The following LRMDA variants were observed in gnomAD, a reference collection of about 807,000 sequenced individuals.
LRMDA encodes leucine rich melanocyte differentiation associated, also known as leucine-rich melanocyte differentiation-associated protein.
LRMDA carries 18 observed loss-of-function variants against 29.8 expected under a neutral mutation model. That is an observed-to-expected ratio of 0.60 (90% CI 0.42 to 0.90). The LOEUF (loss-of-function observed/expected upper bound fraction) is 0.90, where lower values mean the gene tolerates loss of function less well. Among genes scored for constraint, LRMDA ranks in the 40% least tolerant of loss-of-function variants. The pLI is 0.00. For missense variants in LRMDA, 273 were observed against 273.9 expected, an observed-to-expected ratio of 1.00 and a Z score of 0.02; for synonymous variants, 125 against 109.4, an observed-to-expected ratio of 1.14 and a Z score of -0.89.
intron 6 of LRMDA, among the ~76,000 whole-genome samples, chr10:76,490,403 G>GTCTC (rs375255459): frequency 2.7e-5 from 4 of 149,178 alleles, no homozygotes; most frequent in South Asian, 2.1e-4. Context: ...TTGTATTAGG[G>GTCTC]TCTCTCTCTC....
rs184132564 is a variant in LRMDA at position 75,691,185 on chromosome 10, C to T, written c.131+252691C>T. 2.0e-4 allele frequency among the ~76,000 whole-genome samples: 22 copies of T among 111,464 alleles called. No individual in the cohort carries two copies. In the South Asian group the frequency reaches 2.9e-3, roughly 15 times the overall value. 73.1% of individuals were successfully genotyped at this position (111,464 alleles called of 152,430 possible). ...ATATATAGATCTATATATCTATGTA[C>T]ATAGATATATATACACACACACACA... On this transcript the variant is annotated intron_variant, in intron 2 of 6. Transcript: ENST00000611255.
chr10:76,327,622 G>A (rs1840852152), intron 6 of LRMDA, among the ~76,000 whole-genome samples: 1 of 152,162 alleles, frequency 6.6e-6, no homozygotes, highest in Non-Finnish European at 1.5e-5. Context: ...TACCTAAATG[G>A]CGCTCCACAT....
intron 2 of LRMDA, among the ~76,000 whole-genome samples, chr10:75,858,067 T>G (rs183267353): frequency 1.8e-4 from 27 of 152,326 alleles, no homozygotes; most frequent in African/African-American, 6.3e-4. Context: ...CGAGTGCAGG[T>G]GGCCAGGCCT....
rs1211697254 is a variant in LRMDA, at chr10:75,578,862, A to G, written c.131+140368A>G. On this transcript the variant is annotated intron_variant, in intron 2 of 6. Transcript: ENST00000611255. Reference sequence around the variant, plus strand: ...AAAAAAAAAAAAGATGTTCTTTGAAACCAATGAAAACAAAGACACAGCATA... The same window carrying G: ...AAAAAAAAAAAAGATGTTCTTTGAAGCCAATGAAAACAAAGACACAGCATA... 5.3e-5 allele frequency among the ~76,000 whole-genome samples: 8 copies of G among 152,294 alleles called. No homozygotes were observed. The East Asian group carries it at 1.3e-3, about 26-fold the overall frequency.
At chr10:76,077,834 G>T (rs370097574) in intron 5 of LRMDA, among the ~76,000 whole-genome samples, 1 of 151,724 alleles carries the variant, frequency 6.6e-6, no homozygotes, top group Non-Finnish European at 1.5e-5. Flanking sequence ...GCATTTTCAG[G>T]CCATCTATGA....
At chr10:76,495,984 C>G (rs1462728244) in intron 6 of LRMDA, among the ~76,000 whole-genome samples, 1 of 73,598 alleles carries the variant, frequency 1.4e-5, no homozygotes, top group African/African-American at 3.3e-5. Context: ...TCCAGTTTAC[C>G]TGCCTTTTAT....
chr10:76,255,382 G>A (rs979029572), intron 5 of LRMDA, among the ~76,000 whole-genome samples: 4 of 152,060 alleles, frequency 2.6e-5, no homozygotes, highest in Non-Finnish European at 4.4e-5. Flanking sequence ...TTCCTCTGTT[G>A]GAAATGATAC....
chr10:75,961,402 A>G (rs1846763519), intron 2 of LRMDA, among the ~76,000 whole-genome samples: 1 of 152,382 alleles, frequency 6.6e-6, no homozygotes, highest in Middle Eastern at 3.4e-3. Flanking sequence ...ATTCACAGGT[A>G]CATGTGTTCC....
rs35809507 is a variant in LRMDA at position 76,248,047 on chromosome 10, T to C, written c.517-76354T>C. On this transcript the variant is annotated intron_variant, in intron 5 of 6. Transcript: ENST00000611255. ...ATGCTCGTGAATCCAGCCGTCTTCA[T>C]TGGAAAACGTGTGGCCTGCAGAGAT... Among the ~76,000 whole-genome samples, 1,101 of 152,284 alleles carry C rather than the reference T, an allele frequency of 7.2e-3. 18 individuals carry two copies. The highest frequency in any genetic ancestry group is 0.032 in the East Asian group (167 of 5,168).
At chr10:75,916,447 G>A (rs1212587168) in intron 2 of LRMDA, among the ~76,000 whole-genome samples, 2 of 151,972 alleles carry the variant, frequency 1.3e-5, no homozygotes, top group East Asian at 1.9e-4. Flanking sequence ...ATTTCCCAGC[G>A]CCTCATTCCC....
intron 5 of LRMDA, among the ~76,000 whole-genome samples, chr10:76,192,391 G>C (rs1010807247): frequency 6.6e-6 from 1 of 152,122 alleles, no homozygotes; most frequent in African/African-American, 2.4e-5. Flanking sequence ...AGAAACTACA[G>C]CTGTTCCATT....
chr10:75,474,968 A>T lies in LRMDA; in HGVS notation c.131+36474A>T, dbSNP rs372687499. 8.3e-4 allele frequency among the ~76,000 whole-genome samples: 127 copies of T among 152,266 alleles called. 2 individuals are homozygous for T. In the South Asian group the frequency reaches 0.026, roughly 31 times the overall value. Reference sequence around the variant, plus strand: ...TGTTGCTGTATTTCACTGTCTGCCCACCATACTCTGTGTTCATTGAAGGTG... The same window carrying T: ...TGTTGCTGTATTTCACTGTCTGCCCTCCATACTCTGTGTTCATTGAAGGTG... On this transcript the variant is annotated intron_variant, in intron 2 of 6. Transcript: ENST00000611255.
At chr10:75,615,019 A>T (rs1841081593) in intron 2 of LRMDA, among the ~76,000 whole-genome samples, 1 of 152,168 alleles carries the variant, frequency 6.6e-6, no homozygotes, top group East Asian at 1.9e-4. Context: ...ATGGCTTATG[A>T]TCAGTTGACT....
chr10:75,710,720 G>T (rs191715131), intron 2 of LRMDA, among the ~76,000 whole-genome samples: 2 of 152,342 alleles, frequency 1.3e-5, no homozygotes, highest in East Asian at 3.9e-4. Context: ...TTAAATGTGT[G>T]GCCAAGGAGT....
intron 6 of LRMDA, among the ~76,000 whole-genome samples, chr10:76,518,442 C>T (rs1293487585): frequency 1.3e-5 from 2 of 151,872 alleles, no homozygotes; most frequent in Non-Finnish European, 2.9e-5. Flanking sequence ...TTCGATTCAC[C>T]AAAAAGATTT....
intron 5 of LRMDA, among the ~76,000 whole-genome samples, chr10:76,214,564 T>A (rs1471315282): frequency 6.6e-6 from 1 of 151,922 alleles, no homozygotes; most frequent in Non-Finnish European, 1.5e-5. Context: ...CAGGATGGTC[T>A]CGATCTCCTG....
At chr10:76,509,080 A>C (rs1370461543) in intron 6 of LRMDA, among the ~76,000 whole-genome samples, 1 of 152,176 alleles carries the variant, frequency 6.6e-6, no homozygotes, top group African/African-American at 2.4e-5. Context: ...TATTTGTTCC[A>C]TAGTGGATAC....
chr10:75,867,749 G>A (rs1053817069), intron 2 of LRMDA, among the ~76,000 whole-genome samples: 2 of 152,140 alleles, frequency 1.3e-5, no homozygotes, highest in African/African-American at 4.8e-5. Flanking sequence ...CCCTTTCTAG[G>A]TGCTTTGGTC....
At chr10:75,454,770 C>T (rs944887368) in intron 2 of LRMDA, among the ~76,000 whole-genome samples, 1 of 152,114 alleles carries the variant, frequency 6.6e-6, no homozygotes, top group Admixed American at 6.5e-5. Context: ...TATAGCAAAT[C>T]AGTACTCTGA....
Sources: allele counts gnomAD v4.1 joint callset (sites outside exome capture counted in the v4.1 genomes callset), GRCh38; gene constraint gnomAD v4.1.1; transcripts MANE v1.5; gene names NCBI Gene and HGNC (gene_info 2026-07-23, HGNC 2026-07-21).